The following GALNT16 variants were observed in gnomAD, a reference collection of about 807,000 sequenced individuals.
GALNT16 encodes the protein UDP-GalNAc:polypeptide N-acetylgalactosaminyltransferase-like protein 1.
GALNT16 carries 40 observed loss-of-function variants against 76.1 expected under a neutral mutation model. The observed-to-expected ratio is 0.53, with a 90% confidence interval of 0.41 to 0.68. The LOEUF (loss-of-function observed/expected upper bound fraction) is 0.68. GALNT16 is among the 30% of genes least tolerant of loss of function. The pLI is 0.00. For missense variants in GALNT16, 621 were observed against 731.9 expected, an observed-to-expected ratio of 0.85 and a Z score of 1.75; for synonymous variants, 276 against 285.2, an observed-to-expected ratio of 0.97 and a Z score of 0.32.
chr14:69,367,654 A>G, the GALNT16 span, among the ~76,000 whole-genome samples: 10 of 151,604 alleles, frequency 6.6e-5, no homozygotes, highest in Non-Finnish European at 1.0e-4. Context: ...CAAAAAAAAA[A>G]AAAAAGAAAA....
chr14:69,344,429 G>A (rs1255912989), intron 12 of GALNT16, among the ~76,000 whole-genome samples: 3 of 152,232 alleles, frequency 2.0e-5, no homozygotes, highest in African/African-American at 7.2e-5. Flanking sequence ...AAGAAGTAGT[G>A]TCTTGGGGAA....
intron 12 of GALNT16, among the ~76,000 whole-genome samples, chr14:69,344,343 C>T (rs1414327352): frequency 6.6e-6 from 1 of 152,248 alleles, no homozygotes; most frequent in Admixed American, 6.5e-5. Flanking sequence ...AGACATTGCA[C>T]ATTCATGACA....
intron 13 of GALNT16, among the ~76,000 whole-genome samples, chr14:69,347,567 T>A (rs955809071): frequency 1.3e-5 from 2 of 152,138 alleles, no homozygotes; most frequent in African/African-American, 4.8e-5. Context: ...GAGGACCAGC[T>A]CTCAGCTGCC....
intron 1 of GALNT16, among the ~76,000 whole-genome samples, chr14:69,303,316 G>T (rs1400702738): frequency 6.6e-6 from 1 of 152,160 alleles, no homozygotes; most frequent in Non-Finnish European, 1.5e-5. Context: ...GAACCCAAAG[G>T]GAGGGGCTGG....
In GALNT16 at chr14:69,313,323, C is replaced by A. The variant is rs1271504714; in HGVS notation, c.178-7388C>A. On this transcript the variant is annotated intron_variant, in intron 1 of 14. Transcript: ENST00000448469. ...TCACATATCTCTGGCATGGACCAGC[C>A]TCACACTCCCTCCATCCGCAGATGG... 3.3e-5 allele frequency among the ~76,000 whole-genome samples: 5 copies of A among 152,364 alleles called. 1 individual carries two copies. The South Asian group carries it at 1.0e-3, about 32-fold the overall frequency.
chr14:69,267,809 G>A (rs2044359749), intron 1 of GALNT16, among the ~76,000 whole-genome samples: 1 of 152,126 alleles, frequency 6.6e-6, no homozygotes, highest in South Asian at 2.1e-4. Context: ...CATCTGTCAG[G>A]TGAGGGTTGA....
intron 1 of GALNT16, among the ~76,000 whole-genome samples, chr14:69,264,696 A>G (rs914462949): frequency 1.3e-5 from 2 of 152,146 alleles, no homozygotes; most frequent in Admixed American, 1.3e-4. Context: ...TGGTTTAGGT[A>G]CCACACTTGA....
rs192319639 is a variant in GALNT16, at chr14:69,331,566, C to T, written c.778+15C>T. On this transcript the variant is annotated intron_variant, in intron 7 of 14. Transcript: ENST00000448469. ...CCTTCGTGGAGGTGAGTTCTGCTCC[C>T]GGGGGTGGGGCTGTAGACATGAAAG... 961 of 1,495,022 alleles carry T rather than the reference C, an allele frequency of 6.4e-4. 9 individuals carry two copies. The African/African-American group carries it at 0.012, about 18-fold the overall frequency. The allele number at this position is 1,495,022 out of a possible 1,614,324, so 92.6% of individuals were successfully genotyped here.
chr14:69,376,365 GCT>G, the GALNT16 span, among the ~76,000 whole-genome samples: 6 of 152,058 alleles, frequency 3.9e-5, no homozygotes, highest in African/African-American at 7.2e-5. Flanking sequence ...CCCTGTATGA[GCT>G]CTGAGAATTG....
chr14:69,345,608 C>CT (rs1261529769), intron 12 of GALNT16, among the ~76,000 whole-genome samples: 7 of 151,956 alleles, frequency 4.6e-5, no homozygotes, highest in Non-Finnish European at 1.0e-4. Context: ...CTGGTGACTC[C>CT]TTAATCCAAG....
At chr14:69,342,908 T>C (rs1355498042) in intron 12 of GALNT16, among the ~76,000 whole-genome samples, 1 of 152,136 alleles carries the variant, frequency 6.6e-6, no homozygotes, top group Non-Finnish European at 1.5e-5. Context: ...CCCAGCATCG[T>C]CTCCTCCATG....
intron 6 of GALNT16, among the ~76,000 whole-genome samples, chr14:69,329,151 A>G (rs1405775107): frequency 2.6e-5 from 4 of 152,218 alleles, no homozygotes; most frequent in African/African-American, 9.6e-5. Context: ...TGAGATCGGG[A>G]GTTCAAGACC....
In GALNT16 at chr14:69,333,826, T is replaced by C. The variant is rs781685904; in HGVS notation, c.967+226T>C. ...AGCAATTTGTCCAGAGCCACACAGCTAGTAAACAAAGAGGTTCTATTTAGG... is the reference window on the plus strand; with the variant it reads ...AGCAATTTGTCCAGAGCCACACAGCCAGTAAACAAAGAGGTTCTATTTAGG... On this transcript the variant is annotated intron_variant, in intron 9 of 14. Transcript: ENST00000448469. The surrounding 1 kb of genome is among the most constrained non-coding windows in gnomAD (Gnocchi z 4.2). The C allele has an allele frequency of 2.0e-6, 1 of 510,334 alleles. No individual in the cohort carries two copies. The highest frequency in any genetic ancestry group is 3.4e-6 in the Non-Finnish European group (1 of 291,756). The allele number at this position is 510,334 out of a possible 1,614,324, so 31.6% of individuals were successfully genotyped here.
At chr14:69,373,304 T>C in the GALNT16 span, among the ~76,000 whole-genome samples, 5 of 152,234 alleles carry the variant, frequency 3.3e-5, no homozygotes, top group African/African-American at 9.6e-5. Flanking sequence ...AAAGAAACCA[T>C]GATCTATCCC....
intron 1 of GALNT16, among the ~76,000 whole-genome samples, chr14:69,293,896 C>CTT (rs879765693): frequency 1.4e-5 from 2 of 146,340 alleles, no homozygotes; most frequent in Non-Finnish European, 1.5e-5. Context: ...AGAACCCATA[C>CTT]TTTTTTTTTT....
chr14:69,323,523 G>A (rs1019844521), intron 2 of GALNT16, among the ~76,000 whole-genome samples: 2 of 152,160 alleles, frequency 1.3e-5, no homozygotes, highest in African/African-American at 2.4e-5. Flanking sequence ...GGTCAGCACT[G>A]GGAGGGTGCA....
At chr14:69,381,099 T>C in the GALNT16 span, among the ~76,000 whole-genome samples, 23 of 152,286 alleles carry the variant, frequency 1.5e-4, no homozygotes, top group African/African-American at 5.5e-4. Flanking sequence ...CTGGCCAACA[T>C]GGTGAAACCT....
chr14:69,289,402 G>C (rs940172981), intron 1 of GALNT16, among the ~76,000 whole-genome samples: 5 of 152,158 alleles, frequency 3.3e-5, no homozygotes, highest in African/African-American at 1.2e-4. Context: ...TGCTTCAGAA[G>C]GTCTCTGTGG....
In GALNT16 at chr14:69,320,839, C is replaced by A; in HGVS notation, c.306C>A (p.Asp102Glu). The A allele has an allele frequency of 1.2e-6, 2 of 1,613,608 alleles. No homozygotes were observed. Among genetic ancestry groups the A allele is most frequent in the Non-Finnish European group, 1.7e-6 (2 of 1,179,600 alleles). ...TGGAGAGTGACAAGCTGAGCCCAGA[C>A]CGGCCCATCCGGGACACCCGCCATT... Reference protein sequence around the residue: ...NQLESDKLSPDRPIRDTRHYS... With the variant: ...NQLESDKLSPERPIRDTRHYS... Residue 102 changes from aspartate to glutamate, a missense_variant, in exon 2 of 15, where the codon GAC becomes GAA. Asp to Glu is a conservative substitution (Grantham distance 45). Transcript: ENST00000448469.
Sources: allele counts gnomAD v4.1 joint callset (sites outside exome capture counted in the v4.1 genomes callset), GRCh38; gene constraint gnomAD v4.1.1; non-coding constraint Gnocchi (gnomAD v3.1); transcripts MANE v1.5; gene names NCBI Gene and HGNC (gene_info 2026-07-23, HGNC 2026-07-21).